The following PVT1 variants were observed in gnomAD, a reference collection of about 807,000 sequenced individuals.
The protein encoded by PVT1 is CXCR4/PVT1 fusion.
intron 2 of PVT1, among the ~76,000 whole-genome samples, chr8:127,858,422 A>ATAAC (rs1225272689): frequency 4.0e-5 from 6 of 150,902 alleles, no homozygotes; most frequent in Admixed American, 3.3e-4. Flanking sequence ...AAATAAATAA[A>ATAAC]TAAATAAATA....
intron 2 of PVT1, among the ~76,000 whole-genome samples, chr8:127,814,374 C>T (rs58320769): frequency 0.015 from 2,350 of 152,344 alleles, 56 homozygotes; most frequent in African/African-American, 0.053. Flanking sequence ...TTGAGTGAGC[C>T]AGCCTTTCAT....
intron 2 of PVT1, among the ~76,000 whole-genome samples, chr8:127,863,624 G>A (rs551246273): frequency 6.6e-6 from 1 of 152,344 alleles, no homozygotes; most frequent in South Asian, 2.1e-4. Flanking sequence ...ACTTAGGTGT[G>A]TGCTTGTGGG....
At chr8:127,934,556 G>A (rs1173636717) in intron 3 of PVT1, among the ~76,000 whole-genome samples, 1 of 152,242 alleles carries the variant, frequency 6.6e-6, no homozygotes, top group East Asian at 1.9e-4. Context: ...GGGACTCCCA[G>A]AATGGTCTTA....
intron 3 of PVT1, among the ~76,000 whole-genome samples, chr8:127,984,875 T>TTCTTTCTTTCTTTCTTTC (rs1816931977): frequency 1.2e-5 from 1 of 86,160 alleles, no homozygotes; most frequent in East Asian, 3.2e-4. Flanking sequence ...CTTTCTTTCT[T>TTCTTTCTTTCTTTCTTTC]TCTTTCTTTC....
intron 2 of PVT1, among the ~76,000 whole-genome samples, chr8:127,865,043 G>T (rs1815272073): frequency 6.6e-6 from 1 of 152,178 alleles, no homozygotes; most frequent in Non-Finnish European, 1.5e-5. Context: ...AGGCCTGCTT[G>T]AACACCAGTG....
chr8:128,053,449 A>G (rs1813723626), intron 4 of PVT1, among the ~76,000 whole-genome samples: 1 of 149,438 alleles, frequency 6.7e-6, no homozygotes, highest in African/African-American at 2.4e-5. Context: ...TTTTATATAT[A>G]TGGGTATTAT....
rs1244146086 is a variant in PVT1 at position 127,847,568 on chromosome 8, G to C, written n.373-43021G>C. On this transcript the variant is annotated intron_variant and non_coding_transcript_variant, in intron 2 of 10. Transcript: ENST00000651587. The stretch of plus-strand genomic sequence containing the variant: ...ACATTTTTATAAAAGCAAAAGACTG[G>C]GAGTAACTCAAACATCTGTGAGTTG... Among the ~76,000 whole-genome samples, 3 of 152,162 alleles carry C rather than the reference G, an allele frequency of 2.0e-5. No individual in the cohort carries two copies. The East Asian group carries it at 5.8e-4, about 29-fold the overall frequency.
intron 6 of PVT1, among the ~76,000 whole-genome samples, chr8:128,097,329 TC>T: frequency 6.6e-6 from 1 of 150,476 alleles, no homozygotes; most frequent in Admixed American, 6.6e-5. Context: ...CCACTGAACC[TC>T]CAGCCTGGGC....
Position 127,954,556 on chromosome 8 carries a change from G to A in PVT1, n.783-34606G>A, listed in dbSNP as rs775713571. Among the ~76,000 whole-genome samples, 41 of 152,224 alleles carry A rather than the reference G, an allele frequency of 2.7e-4. 1 individual carries two copies. The highest frequency in any genetic ancestry group is 8.3e-4 in the South Asian group (4 of 4,824). Reference sequence around the variant, plus strand: ...GATCCACCCGCCTCGGCCTCCCAACGTGCTGGGATTACAGGCATGAGCCAC... The same window carrying A: ...GATCCACCCGCCTCGGCCTCCCAACATGCTGGGATTACAGGCATGAGCCAC... On this transcript the variant is annotated intron_variant and non_coding_transcript_variant, in intron 3 of 10. Coordinates refer to ENST00000651587, the Ensembl canonical transcript of PVT1.
intron 4 of PVT1, among the ~76,000 whole-genome samples, chr8:128,053,413 GTATA>G (rs1813722799): frequency 6.7e-6 from 1 of 148,796 alleles, no homozygotes; most frequent in Admixed American, 6.7e-5. Flanking sequence ...TATATATATT[GTATA>G]TATAATACCT....
chr8:128,062,866 T>C (rs1057196208), intron 4 of PVT1, among the ~76,000 whole-genome samples: 1 of 152,212 alleles, frequency 6.6e-6, no homozygotes, highest in African/African-American at 2.4e-5. Flanking sequence ...ATCCCTCCTG[T>C]GTTTAAAGCT....
At chr8:127,810,137 T>TG (rs1814577001) in intron 2 of PVT1, among the ~76,000 whole-genome samples, 1 of 152,212 alleles carries the variant, frequency 6.6e-6, no homozygotes, top group Non-Finnish European at 1.5e-5. Flanking sequence ...ATGCTGGGCC[T>TG]GGGGGGCCAC....
chr8:127,936,256 T>G (rs976693675), intron 3 of PVT1, among the ~76,000 whole-genome samples: 3 of 151,892 alleles, frequency 2.0e-5, no homozygotes, highest in Non-Finnish European at 4.4e-5. Context: ...TTCTCCATGT[T>G]GGTCGGGCTG....
intron 4 of PVT1, among the ~76,000 whole-genome samples, chr8:128,000,224 A>C (rs1817159624): frequency 6.6e-6 from 1 of 152,234 alleles, no homozygotes; most frequent in Non-Finnish European, 1.5e-5. Context: ...CGAGGCACAC[A>C]GAATGAGGAT....
chr8:127,868,120 C>G (rs1224840575), intron 2 of PVT1, among the ~76,000 whole-genome samples: 1 of 152,266 alleles, frequency 6.6e-6, no homozygotes, highest in South Asian at 2.1e-4. Context: ...GGTAACTCTT[C>G]TAAGTCCTTT....
chr8:127,968,927 AG>A (rs1563653025), intron 3 of PVT1, among the ~76,000 whole-genome samples: 1 of 152,182 alleles, frequency 6.6e-6, no homozygotes, highest in African/African-American at 2.4e-5. Context: ...GAGGCAAGGA[AG>A]GGTTTCCCCT....
intron 3 of PVT1, among the ~76,000 whole-genome samples, chr8:127,963,122 T>C (rs985292206): frequency 6.6e-6 from 1 of 152,146 alleles, no homozygotes; most frequent in African/African-American, 2.4e-5. Flanking sequence ...CTCTTCTTCC[T>C]AGAAGTGCCC....
At chr8:127,813,962 T>C (rs191534255) in intron 2 of PVT1, among the ~76,000 whole-genome samples, 1 of 152,298 alleles carries the variant, frequency 6.6e-6, no homozygotes. Context: ...TTTGTATTTT[T>C]AATAGAGACG....
chr8:127,956,962 A>G (rs1265701869), intron 3 of PVT1, among the ~76,000 whole-genome samples: 1 of 152,108 alleles, frequency 6.6e-6, no homozygotes. Flanking sequence ...TATTACTATT[A>G]TTATCATCAT....
Sources: gnomAD v4.1 joint callset for allele counts (sites outside exome capture counted in the v4.1 genomes callset) on GRCh38, gnomAD v4.1.1 for gene constraint, MANE v1.5 for transcripts, NCBI Gene and HGNC (gene_info 2026-07-23, HGNC 2026-07-21) for gene names.